The following COBL variants were observed in gnomAD, a reference collection of about 807,000 sequenced individuals.
COBL encodes the protein cordon-bleu WH2 repeat protein.
A neutral mutation model predicts 98.8 loss-of-function variants in COBL; 51 were observed. The ratio of observed to expected loss-of-function variants is 0.52; its 90% CI spans 0.41 to 0.65. The LOEUF is 0.65. Ranked by LOEUF, COBL falls within the 30% of genes least tolerant of loss-of-function variation. The pLI is 0.00. For missense variants in COBL, 1,617 were observed against 1,617.5 expected (o/e 1.00, Z 0.01); for synonymous variants, 634 against 651.7 (o/e 0.97, Z 0.41).
In COBL at chr7:51,058,457, G is replaced by A. The variant is rs1241267055; in HGVS notation, c.1097-14765C>T. ...AGTCCTAGCTACTTGGGAGGCTGAG[G>A]CAGGAGGACTGCTTGAGCCTGGGAA... On this transcript the variant is annotated intron_variant, in intron 7 of 12. Transcript: ENST00000265136. Among the ~76,000 whole-genome samples, 5 of 152,182 alleles carry A rather than the reference G, an allele frequency of 3.3e-5. No homozygotes were observed. In the East Asian group the frequency reaches 9.7e-4, roughly 29 times the overall value.
At chr7:51,120,643 ACC>A (rs1280311223) in intron 6 of COBL, among the ~76,000 whole-genome samples, 1 of 149,804 alleles carries the variant, frequency 6.7e-6, no homozygotes, top group Non-Finnish European at 1.5e-5. Context: ...CCCAATTCCC[ACC>A]CCCCAGGCCC....
At chr7:51,040,247 A>G (rs1789046980) in intron 8 of COBL, among the ~76,000 whole-genome samples, 1 of 151,928 alleles carries the variant, frequency 6.6e-6, no homozygotes, top group South Asian at 2.1e-4. Context: ...TCATTCTATG[A>G]AATCCCCCCT....
At chr7:51,025,982 T>A (rs1446814417) in intron 11 of COBL, among the ~76,000 whole-genome samples, 1 of 152,178 alleles carries the variant, frequency 6.6e-6, no homozygotes, top group Non-Finnish European at 1.5e-5. Context: ...CATATAAGAA[T>A]AGACATAGAG....
intron 1 of COBL, among the ~76,000 whole-genome samples, chr7:51,311,313 C>A (rs906978069): frequency 6.6e-6 from 1 of 152,192 alleles, no homozygotes; most frequent in African/African-American, 2.4e-5. Context: ...CAGGGTTTCT[C>A]CCTGCTGGGG....
At chr7:51,045,023 T>G (rs992437141) in intron 7 of COBL, among the ~76,000 whole-genome samples, 12 of 152,232 alleles carry the variant, frequency 7.9e-5, no homozygotes, top group African/African-American at 2.9e-4. Flanking sequence ...CTGAATGCAG[T>G]GATGCTGGTC....
chr7:51,107,611 G>GCTT (rs1442848573), intron 6 of COBL, among the ~76,000 whole-genome samples: 2 of 152,150 alleles, frequency 1.3e-5, no homozygotes, highest in African/African-American at 4.8e-5. Context: ...GGAAGATACT[G>GCTT]CTTCTTTTAA....
intron 2 of COBL, among the ~76,000 whole-genome samples, chr7:51,195,231 T>C (rs1005397277): frequency 6.6e-6 from 1 of 152,248 alleles, no homozygotes; most frequent in Admixed American, 6.5e-5. Context: ...ATCTTCTGCA[T>C]ATGGCTAGCC....
chr7:51,299,300 G>T (rs1453593644), intron 1 of COBL, among the ~76,000 whole-genome samples: 2 of 152,242 alleles, frequency 1.3e-5, no homozygotes, highest in Non-Finnish European at 2.9e-5. Flanking sequence ...AGCACTGGCT[G>T]TTTAGAAAGT....
chr7:51,250,851 A>C (rs1022937875), intron 1 of COBL, among the ~76,000 whole-genome samples: 10 of 152,320 alleles, frequency 6.6e-5, no homozygotes, highest in Admixed American at 5.2e-4. Flanking sequence ...TTATGCTGGA[A>C]GGCCCAAAAG....
intron 5 of COBL, among the ~76,000 whole-genome samples, chr7:51,160,775 C>T (rs1031878440): frequency 6.6e-6 from 1 of 152,162 alleles, no homozygotes; most frequent in Non-Finnish European, 1.5e-5. Context: ...TTTAAAAGAA[C>T]TATGCAGATA....
At chr7:51,188,258 C>G (rs1789741563) in intron 4 of COBL, among the ~76,000 whole-genome samples, 1 of 152,248 alleles carries the variant, frequency 6.6e-6, no homozygotes, top group Admixed American at 6.5e-5. Context: ...CTCCTGCCAG[C>G]TGCCCTTCTG....
At chr7:51,128,133 C>A (rs1330137643) in intron 6 of COBL, among the ~76,000 whole-genome samples, 3 of 152,172 alleles carry the variant, frequency 2.0e-5, no homozygotes, top group African/African-American at 7.2e-5. Context: ...TTATTCATCC[C>A]ATACAAAGTT....
At chr7:51,252,671 A>C (rs1295102275) in intron 1 of COBL, among the ~76,000 whole-genome samples, 1 of 152,236 alleles carries the variant, frequency 6.6e-6, no homozygotes, top group East Asian at 1.9e-4. Context: ...TTCTCCTAGC[A>C]TTATACAAGG....
At chr7:51,277,747 T>C (rs924884853) in intron 1 of COBL, among the ~76,000 whole-genome samples, 2 of 152,110 alleles carry the variant, frequency 1.3e-5, no homozygotes, top group Non-Finnish European at 2.9e-5. Flanking sequence ...CCTACAGTGT[T>C]GCTACAGGGA....
At chr7:51,197,674 T>C (rs896693004) in intron 2 of COBL, among the ~76,000 whole-genome samples, 1 of 152,218 alleles carries the variant, frequency 6.6e-6, no homozygotes, top group African/African-American at 2.4e-5. Context: ...ATTAAGAAAC[T>C]GCTTTATGAG....
chr7:51,078,165 G>T (rs1793267552), intron 7 of COBL, among the ~76,000 whole-genome samples: 1 of 152,182 alleles, frequency 6.6e-6, no homozygotes, highest in Non-Finnish European at 1.5e-5. Context: ...GCTCATCTAA[G>T]GTCATTCCAT....
intron 1 of COBL, among the ~76,000 whole-genome samples, chr7:51,292,507 C>T (rs1436917504): frequency 1.3e-5 from 2 of 152,254 alleles, no homozygotes; most frequent in African/African-American, 4.8e-5. Context: ...CTTTAAATGG[C>T]CCCTTTATTT....
chr7:51,061,907 C>T (rs1171756742), intron 7 of COBL, among the ~76,000 whole-genome samples: 1 of 149,594 alleles, frequency 6.7e-6, no homozygotes, highest in Non-Finnish European at 1.5e-5. Flanking sequence ...TCTATAATTA[C>T]ACAAGGCCAT....
At chr7:51,310,825 T>C (rs986907819) in intron 1 of COBL, among the ~76,000 whole-genome samples, 4 of 152,118 alleles carry the variant, frequency 2.6e-5, no homozygotes, top group Admixed American at 2.6e-4. Flanking sequence ...GCCCAGCTAA[T>C]TTTTGTATTT....
Sources: allele counts gnomAD v4.1 joint callset (sites outside exome capture counted in the v4.1 genomes callset), GRCh38; gene constraint gnomAD v4.1.1; transcripts MANE v1.5; gene names NCBI Gene and HGNC (gene_info 2026-07-23, HGNC 2026-07-21).